CALN1: variants seen among roughly 807,000 people sequenced by gnomAD.
CALN1 encodes calneuron 1.
A neutral mutation model predicts 30.6 loss-of-function variants in CALN1; 17 were observed. The observed-to-expected ratio is 0.56, with a 90% CI of 0.38 to 0.83. CALN1 has a LOEUF of 0.83. CALN1 is among the 40% of genes least tolerant of loss of function. CALN1 has a pLI of 0.00. For synonymous variants in CALN1, 156 were observed against 131.4 expected, an observed-to-expected ratio of 1.19 and a Z score of -1.28; for missense variants, 291 against 354.9, an observed-to-expected ratio of 0.82 and a Z score of 1.45.
chr7:72,004,770 TATA>T (rs1293959192), intron 5 of CALN1, among the ~76,000 whole-genome samples: 5 of 151,992 alleles, frequency 3.3e-5, no homozygotes, highest in African/African-American at 1.2e-4. Flanking sequence ...GTATACAAAA[TATA>T]TAAAGACTTC....
At chr7:72,119,095 T>C (rs1808200052) in intron 3 of CALN1, among the ~76,000 whole-genome samples, 1 of 152,232 alleles carries the variant, frequency 6.6e-6, no homozygotes, top group Non-Finnish European at 1.5e-5. Flanking sequence ...AGCTGATGTT[T>C]ATTTTCTTTG....
chr7:71,882,896 G>A (rs1428667025), intron 5 of CALN1, among the ~76,000 whole-genome samples: 1 of 142,412 alleles, frequency 7.0e-6, no homozygotes, highest in African/African-American at 2.6e-5. Flanking sequence ...GTGTGTGTTT[G>A]TAAAGACAGT....
At chr7:71,825,899 G>A (rs188819125) in intron 5 of CALN1, among the ~76,000 whole-genome samples, 2 of 151,718 alleles carry the variant, frequency 1.3e-5, no homozygotes, top group African/African-American at 4.8e-5. Context: ...CGGGCGTGGT[G>A]GCAGGCGCCT....
chr7:71,838,470 A>C (rs548018660), intron 5 of CALN1, among the ~76,000 whole-genome samples: 29 of 152,178 alleles, frequency 1.9e-4, no homozygotes, highest in African/African-American at 6.7e-4. Flanking sequence ...TCTATCCCCC[A>C]GGCTGGAGTG....
At chr7:72,306,645 A>G (rs1184945710) in intron 2 of CALN1, among the ~76,000 whole-genome samples, 2 of 151,972 alleles carry the variant, frequency 1.3e-5, no homozygotes, top group Admixed American at 1.3e-4. Context: ...AGAAAAAAAA[A>G]GAAAAGAAAA....
chr7:72,042,774 G>A (rs1802211821), intron 4 of CALN1, among the ~76,000 whole-genome samples: 1 of 152,130 alleles, frequency 6.6e-6, no homozygotes, highest in African/African-American at 2.4e-5. Flanking sequence ...AGGAAAAAGG[G>A]TGCTTAGCAT....
intron 3 of CALN1, among the ~76,000 whole-genome samples, chr7:72,170,455 C>T (rs1239417972): frequency 6.6e-6 from 1 of 152,214 alleles, no homozygotes; most frequent in Non-Finnish European, 1.5e-5. Context: ...CAGCTGCAAC[C>T]ACTTGCAAAA....
At chr7:72,301,414 C>T (rs1363929601) in intron 2 of CALN1, among the ~76,000 whole-genome samples, 1 of 151,918 alleles carries the variant, frequency 6.6e-6, no homozygotes, top group Non-Finnish European at 1.5e-5. Flanking sequence ...TCGAGACCAG[C>T]CTAGCCAACA....
chr7:72,370,413 G>A (rs993500836), intron 2 of CALN1, among the ~76,000 whole-genome samples: 1 of 152,098 alleles, frequency 6.6e-6, no homozygotes, highest in Non-Finnish European at 1.5e-5. Flanking sequence ...GATTGACTTT[G>A]GGAGGCTGAG....
At chr7:72,138,739 C>A (rs2129543283) in intron 3 of CALN1, among the ~76,000 whole-genome samples, 1 of 152,292 alleles carries the variant, frequency 6.6e-6, no homozygotes, top group South Asian at 2.1e-4. Flanking sequence ...GATAAAACAG[C>A]ACATGAAAGA....
At chr7:72,135,494 GACCAGGT>G (rs1809445741) in intron 3 of CALN1, among the ~76,000 whole-genome samples, 1 of 152,220 alleles carries the variant, frequency 6.6e-6, no homozygotes, top group African/African-American at 2.4e-5. Flanking sequence ...GCTCTTGGGT[GACCAGGT>G]GCATTGTCAA....
chr7:72,168,799 ATTAT>A (rs1192460268), intron 3 of CALN1, among the ~76,000 whole-genome samples: 8 of 112,438 alleles, frequency 7.1e-5, no homozygotes, highest in Non-Finnish European at 1.2e-4. Flanking sequence ...TATTATTATT[ATTAT>A]TATTTTTTTT....
At chr7:72,439,155 C>G (rs574894870) in intron 1 of CALN1, among the ~76,000 whole-genome samples, 5 of 152,118 alleles carry the variant, frequency 3.3e-5, no homozygotes, top group South Asian at 2.1e-4. Context: ...CTTAGCCTCC[C>G]GAGTAGCTGT....
intron 3 of CALN1, among the ~76,000 whole-genome samples, chr7:72,205,938 T>C (rs188283247): frequency 6.6e-6 from 1 of 152,294 alleles, no homozygotes; most frequent in African/African-American, 2.4e-5. Context: ...CTTTTCTCGC[T>C]GATTTTGGAC....
chr7:71,792,949 T>C (rs1438087917), intron 6 of CALN1, among the ~76,000 whole-genome samples: 1 of 151,328 alleles, frequency 6.6e-6, no homozygotes, highest in Non-Finnish European at 1.5e-5. Flanking sequence ...ATCCAAGCAG[T>C]AGGAAGGGAG....
In CALN1 at chr7:72,107,242, C is replaced by CCT. The variant is rs151043976; in HGVS notation, c.245-950_245-949dup. Among the ~76,000 whole-genome samples, 910 of 152,276 alleles carry CCT rather than the reference C, an allele frequency of 6.0e-3. 11 individuals are homozygous for CCT. The highest frequency in any genetic ancestry group is 0.02 in the African/African-American group (843 of 41,570). ...CAGGAGGAAAGGAGAATGCAGCTCC[C>CCT]CTCTGCAGGCATATTTCAGATCCCT... On this transcript the variant is annotated intron_variant, in intron 3 of 6. Transcript: ENST00000395275.
At chr7:72,338,021 C>G (rs1395155179) in intron 2 of CALN1, among the ~76,000 whole-genome samples, 1 of 152,208 alleles carries the variant, frequency 6.6e-6, no homozygotes, top group Non-Finnish European at 1.5e-5. Context: ...TTCCCAGTCC[C>G]CACCTGTCTG....
chr7:71,892,303 G>C lies in CALN1; in HGVS notation c.502-81811C>G, dbSNP rs542604495. On this transcript the variant is annotated intron_variant, in intron 5 of 6. Transcript: ENST00000395275. Reference sequence around the variant, plus strand: ...TTTCATTCATCTGTTCCTGCTTTTTGCTTACCTAACTATTGAGATTCTAGT... The same window carrying C: ...TTTCATTCATCTGTTCCTGCTTTTTCCTTACCTAACTATTGAGATTCTAGT... Among the ~76,000 whole-genome samples the C allele has an allele frequency of 1.1e-4, 17 of 152,120 alleles. 1 individual carries two copies. The South Asian group carries it at 2.9e-3, about 26-fold the overall frequency.
At chr7:72,124,940 CATT>C (rs1233314399) in intron 3 of CALN1, among the ~76,000 whole-genome samples, 2 of 152,048 alleles carry the variant, frequency 1.3e-5, no homozygotes, top group South Asian at 2.1e-4. Context: ...AATTACAACT[CATT>C]ATTTTTTTTT....
Sources: allele counts gnomAD v4.1 joint callset (sites outside exome capture counted in the v4.1 genomes callset), GRCh38; gene constraint gnomAD v4.1.1; transcripts MANE v1.5; gene names NCBI Gene and HGNC (gene_info 2026-07-23, HGNC 2026-07-21).